Variants in TENM3 observed in about 807,000 individuals in gnomAD.
The protein encoded by TENM3 is teneurin transmembrane protein 3, also known as teneurin-3.
A neutral mutation model predicts 255.1 loss-of-function variants in TENM3; 63 were observed. That is an observed-to-expected ratio of 0.25 (90% confidence interval 0.20 to 0.30). TENM3 has a LOEUF of 0.30. Ranked by LOEUF, TENM3 falls within the 10% of genes least tolerant of loss-of-function variation. The pLI, the probability that TENM3 is intolerant of heterozygous loss-of-function variation, is 1.00. For synonymous variants in TENM3, 1,306 were observed against 1,322.3 expected (o/e 0.99, Z 0.27); for missense variants, 2,929 against 3,461.1 (o/e 0.85, Z 3.86).
the TENM3 span, among the ~76,000 whole-genome samples, chr4:181,903,719 C>T: frequency 2.6e-5 from 4 of 152,280 alleles, no homozygotes; most frequent in East Asian, 7.8e-4. Flanking sequence ...AGCAAGCTTC[C>T]TTCCTTGCAA....
intron 3 of TENM3, among the ~76,000 whole-genome samples, chr4:182,511,865 A>C (rs567943550): frequency 6.6e-6 from 1 of 152,308 alleles, no homozygotes; most frequent in African/African-American, 2.4e-5. Context: ...AAGTTCTTTT[A>C]AGGTGCTTTA....
chr4:182,688,456 T>C, intron 12 of TENM3, 105 bp downstream of exon 12: 1 of 895,756 alleles, frequency 1.1e-6, no homozygotes, highest in Non-Finnish European at 1.5e-6. Flanking sequence ...CGTTATTTTT[T>C]ACTTGTCTTT....
At chr4:181,787,180 G>A in the TENM3 span, among the ~76,000 whole-genome samples, 7 of 152,182 alleles carry the variant, frequency 4.6e-5, no homozygotes, top group East Asian at 1.9e-4. Context: ...TTGAATTTTC[G>A]GCACAATAAG....
At chr4:182,041,893 G>A in the TENM3 span, among the ~76,000 whole-genome samples, 1 of 152,130 alleles carries the variant, frequency 6.6e-6, no homozygotes, top group African/African-American at 2.4e-5. Flanking sequence ...ATTAGCTGTA[G>A]GTAAATGATT....
At chr4:181,640,654 T>C in the TENM3 span, among the ~76,000 whole-genome samples, 1 of 152,160 alleles carries the variant, frequency 6.6e-6, no homozygotes, top group African/African-American at 2.4e-5. Flanking sequence ...CCTATCAATC[T>C]CCACTCAGCT....
chr4:182,473,211 C>CCA, intron 3 of TENM3, among the ~76,000 whole-genome samples: 1 of 152,200 alleles, frequency 6.6e-6, no homozygotes, highest in East Asian at 1.9e-4. Flanking sequence ...ACAAATGCAG[C>CCA]CATATATATA....
intron 2 of TENM3, among the ~76,000 whole-genome samples, chr4:182,343,310 ATCAAGGTTACCAAAAT>A (rs1295569609): frequency 3.3e-5 from 5 of 152,192 alleles, no homozygotes; most frequent in Admixed American, 1.3e-4. Flanking sequence ...GGCTCTGCTG[ATCAAGGTTACCAAAAT>A]TCAATGTACA....
At chr4:182,502,851 G>T (rs1319961681) in intron 3 of TENM3, among the ~76,000 whole-genome samples, 1 of 150,244 alleles carries the variant, frequency 6.7e-6, no homozygotes, top group African/African-American at 2.4e-5. Flanking sequence ...AGCTCTGTGG[G>T]CATGGGTTGG....
intron 22 of TENM3, among the ~76,000 whole-genome samples, chr4:182,767,279 G>A (rs894012492): frequency 5.9e-5 from 9 of 152,186 alleles, no homozygotes; most frequent in South Asian, 2.1e-4. Context: ...GCATCAGCCC[G>A]CCGTTCCGGG....
the TENM3 span, among the ~76,000 whole-genome samples, chr4:181,769,012 G>A: frequency 6.6e-6 from 1 of 151,982 alleles, no homozygotes; most frequent in Non-Finnish European, 1.5e-5. Context: ...GTTTTCAAGA[G>A]ATTTTTTTCT....
chr4:182,758,382 A>T (rs1433728166), intron 22 of TENM3, among the ~76,000 whole-genome samples: 2 of 152,136 alleles, frequency 1.3e-5, no homozygotes. Flanking sequence ...CTCCAGAAGC[A>T]CTGTCTGTGT....
chr4:182,036,383 T>A, the TENM3 span, among the ~76,000 whole-genome samples: 1 of 151,882 alleles, frequency 6.6e-6, no homozygotes. Context: ...TAGAGACGGG[T>A]TTTCACCACG....
At chr4:181,551,450 A>G in the TENM3 span, among the ~76,000 whole-genome samples, 5 of 152,306 alleles carry the variant, frequency 3.3e-5, no homozygotes, top group South Asian at 1.0e-3. Flanking sequence ...AAATGTTGTC[A>G]TCCTTTTTGA....
At chr4:182,315,697 G>A (rs79988876) in intron 1 of TENM3, among the ~76,000 whole-genome samples, 2 of 151,932 alleles carry the variant, frequency 1.3e-5, no homozygotes, top group East Asian at 3.9e-4. Flanking sequence ...ACTTTTGTCT[G>A]TCTTCTTCTT....
the TENM3 span, among the ~76,000 whole-genome samples, chr4:181,609,635 C>T: frequency 2.8e-4 from 42 of 152,254 alleles, 1 homozygote; most frequent in Admixed American, 1.0e-3. Flanking sequence ...TGAATGACCA[C>T]ATATGTTGTG....
chr4:182,128,816 A>G, the TENM3 span, among the ~76,000 whole-genome samples: 1 of 152,236 alleles, frequency 6.6e-6, no homozygotes, highest in Non-Finnish European at 1.5e-5. Flanking sequence ...GAAACAACTC[A>G]AAAAATCAAC....
the TENM3 span, among the ~76,000 whole-genome samples, chr4:181,848,044 C>T: frequency 3.5e-3 from 533 of 152,180 alleles, 4 homozygotes; most frequent in African/African-American, 0.013. Context: ...ATTGGGTGCA[C>T]GAAACTGTAT....
the TENM3 span, among the ~76,000 whole-genome samples, chr4:181,669,178 TA>T: frequency 1.3e-5 from 2 of 152,220 alleles, no homozygotes; most frequent in Non-Finnish European, 2.9e-5. Context: ...GAATATTTGG[TA>T]ACAATAATAG....
intron 24 of TENM3, among the ~76,000 whole-genome samples, chr4:182,778,216 A>G (rs989549053): frequency 3.3e-5 from 5 of 152,292 alleles, no homozygotes; most frequent in Admixed American, 6.5e-5. Flanking sequence ...TAATAATAAA[A>G]TTCATCCCCT....
Sources: gnomAD v4.1 joint callset for allele counts (sites outside exome capture counted in the v4.1 genomes callset) on GRCh38, gnomAD v4.1.1 for gene constraint, MANE v1.5 for transcripts, NCBI Gene and HGNC (gene_info 2026-07-23, HGNC 2026-07-21) for gene names.